DAB1: variants seen among roughly 807,000 people sequenced by gnomAD.
The protein encoded by DAB1 is disabled homolog 1.
Under a neutral mutation model 64.6 loss-of-function variants are expected in DAB1, and 15 were observed. The ratio of observed to expected loss-of-function variants is 0.23; its 90% confidence interval spans 0.16 to 0.36. DAB1 has a LOEUF of 0.36. Among genes scored for constraint, DAB1 ranks in the 10% least tolerant of loss-of-function variants. DAB1 has a pLI of 1.00. For synonymous variants in DAB1, 235 were observed against 251.9 expected (o/e 0.93, Z 0.64); for missense variants, 596 against 706.7 (o/e 0.84, Z 1.78).
At chr1:57,863,153 G>A (rs1461464258) in intron 1 of DAB1, 1 of 152,030 alleles carries the variant, frequency 6.6e-6, no homozygotes, top group Non-Finnish European at 1.5e-5. Flanking sequence ...GCTATGCTGA[G>A]ATAAAGAACC....
At chr1:58,329,890 C>G (rs1315703237) in intron 4 of DAB1, among the ~76,000 whole-genome samples, 1 of 152,104 alleles carries the variant, frequency 6.6e-6, no homozygotes, top group Non-Finnish European at 1.5e-5. Flanking sequence ...TTTCTAAGGC[C>G]TCCCTATTGC....
At chr1:57,272,591 T>C (rs754393334) in intron 2 of DAB1, among the ~76,000 whole-genome samples, 4 of 152,212 alleles carry the variant, frequency 2.6e-5, no homozygotes, top group African/African-American at 9.6e-5. Context: ...TGTTAGGAAA[T>C]GGAGGCTTAG....
intron 6 of DAB1, among the ~76,000 whole-genome samples, chr1:57,781,476 A>G (rs143191193): frequency 5.6e-4 from 85 of 152,110 alleles, no homozygotes; most frequent in African/African-American, 1.8e-3. Context: ...CTGGCATTCT[A>G]CTAAAAGCTT....
Position 58,427,747 on chromosome 1 carries a change from G to T in DAB1, n.257+78313C>A, listed in dbSNP as rs374929573. On this transcript the variant is annotated intron_variant and non_coding_transcript_variant, in intron 3 of 20. Transcript: ENST00000485760. ...GTTTGACTTGGTAAATATTAAGTCC[G>T]AGGTGCTTTATCTTAAAATGTTAGA... is the stretch of plus-strand genomic sequence containing the variant. Among the ~76,000 whole-genome samples the T allele has an allele frequency of 3.3e-5, 5 of 152,276 alleles. No individual in the cohort carries two copies. In the South Asian group the frequency reaches 8.3e-4, roughly 25 times the overall value.
intron 1 of DAB1, among the ~76,000 whole-genome samples, chr1:57,300,035 C>T (rs527895313): frequency 5.9e-5 from 9 of 152,210 alleles, no homozygotes; most frequent in Admixed American, 2.0e-4. Context: ...TCTGTCTCCC[C>T]GGCAGGCCTT....
chr1:57,222,548 A>G (rs1213370220), intron 2 of DAB1, among the ~76,000 whole-genome samples: 1 of 151,752 alleles, frequency 6.6e-6, no homozygotes, highest in Non-Finnish European at 1.5e-5. Context: ...CTGCCAGTTT[A>G]GTGGCCAGCA....
At chr1:57,525,835 A>T (rs1385191434) in intron 7 of DAB1, among the ~76,000 whole-genome samples, 1 of 152,194 alleles carries the variant, frequency 6.6e-6, no homozygotes, top group Admixed American at 6.5e-5. Flanking sequence ...TGGGGGAACA[A>T]ATGGGGAGAA....
At chr1:58,046,395 T>A (rs1238253645) in intron 5 of DAB1, among the ~76,000 whole-genome samples, 1 of 152,220 alleles carries the variant, frequency 6.6e-6, no homozygotes, top group African/African-American at 2.4e-5. Context: ...GGTGACATCT[T>A]GTCCCTCCCA....
At chr1:58,146,227 AT>A (rs2100724014) in intron 5 of DAB1, among the ~76,000 whole-genome samples, 1 of 152,244 alleles carries the variant, frequency 6.6e-6, no homozygotes, top group African/African-American at 2.4e-5. Context: ...TTTTGACTTC[AT>A]GGGGGGTTGG....
intron 2 of DAB1, among the ~76,000 whole-genome samples, chr1:57,153,563 T>A (rs1249956706): frequency 6.6e-6 from 1 of 152,160 alleles, no homozygotes; most frequent in Non-Finnish European, 1.5e-5. Context: ...TTTCTAAGAA[T>A]CATCCATTTT....
chr1:57,766,490 C>A (rs1016570833), intron 6 of DAB1, among the ~76,000 whole-genome samples: 1 of 152,130 alleles, frequency 6.6e-6, no homozygotes. Flanking sequence ...ATGCCAGGCA[C>A]AATTGCACCT....
At chr1:57,914,685 T>C (rs944944199) in intron 5 of DAB1, among the ~76,000 whole-genome samples, 2 of 152,234 alleles carry the variant, frequency 1.3e-5, no homozygotes, top group Admixed American at 6.5e-5. Context: ...AAAATGTTCA[T>C]TGTAGCATTG....
intron 4 of DAB1, among the ~76,000 whole-genome samples, chr1:57,096,229 G>T (rs938326019): frequency 6.6e-6 from 1 of 152,048 alleles, no homozygotes; most frequent in Non-Finnish European, 1.5e-5. Context: ...CTCCAGAGCC[G>T]GTGGTTTTTT....
intron 6 of DAB1, among the ~76,000 whole-genome samples, chr1:57,762,572 TA>T (rs142078420): frequency 0.049 from 7,450 of 151,744 alleles, 263 homozygotes; most frequent in South Asian, 0.079. Context: ...CAGCAAGACA[TA>T]AAAAAAAATT....
chr1:58,109,496 G>T (rs1429292779), intron 5 of DAB1, among the ~76,000 whole-genome samples: 1 of 152,028 alleles, frequency 6.6e-6, no homozygotes, highest in African/African-American at 2.4e-5. Context: ...TCTTGGTGAG[G>T]AGAACTAATG....
At chr1:57,046,003 C>G (rs1648439753) in intron 9 of DAB1, among the ~76,000 whole-genome samples, 1 of 152,164 alleles carries the variant, frequency 6.6e-6, no homozygotes, top group Non-Finnish European at 1.5e-5. Context: ...TTTCCCTCTC[C>G]TTAGCATCTC....
chr1:57,521,116 A>AC (rs1301846423), intron 7 of DAB1, among the ~76,000 whole-genome samples: 1 of 151,904 alleles, frequency 6.6e-6, no homozygotes. Context: ...AACCAAGACT[A>AC]CCCCCAACAA....
At chr1:58,160,344 T>C (rs1655468554) in intron 4 of DAB1, among the ~76,000 whole-genome samples, 1 of 152,132 alleles carries the variant, frequency 6.6e-6, no homozygotes, top group African/African-American at 2.4e-5. Context: ...CGCAGGCTGC[T>C]CTGGATAAGG....
At chr1:57,500,504 A>T (rs1644278328) in intron 7 of DAB1, among the ~76,000 whole-genome samples, 1 of 152,234 alleles carries the variant, frequency 6.6e-6, no homozygotes, top group Non-Finnish European at 1.5e-5. Context: ...TTTTTTAAAT[A>T]CCGTGCCCAG....
Sources: gnomAD v4.1 joint callset for allele counts (sites outside exome capture counted in the v4.1 genomes callset) on GRCh38, gnomAD v4.1.1 for gene constraint, MANE v1.5 for transcripts, NCBI Gene and HGNC (gene_info 2026-07-23, HGNC 2026-07-21) for gene names.